Variants in LHFPL1 observed in about 807,000 individuals in gnomAD.
LHFPL1 encodes the protein LHFPL tetraspan subfamily member 1.
LHFPL1 carries 4 observed loss-of-function variants against 12.1 expected under a neutral mutation model. The ratio of observed to expected loss-of-function variants is 0.33; its 90% CI spans 0.16 to 0.76. The LOEUF (loss-of-function observed/expected upper bound fraction) is 0.76, where lower values mean the gene tolerates loss of function less well. Among genes scored for constraint, LHFPL1 ranks in the 30% least tolerant of loss-of-function variants. The pLI, the probability that LHFPL1 is intolerant of heterozygous loss-of-function variation, is 0.61. For synonymous variants in LHFPL1, 52 were observed against 61.9 expected (o/e 0.84, Z 0.75); for missense variants, 141 against 174.1 (o/e 0.81, Z 1.07).
Position 112,645,422 on chromosome X carries a change from G to GGATGAT in LHFPL1, c.482-13827_482-13822dup, listed in dbSNP as rs1284914754. Among the ~76,000 whole-genome samples, 914 of 111,142 alleles carry GGATGAT rather than the reference G, an allele frequency of 8.2e-3. 7 individuals are homozygous for GGATGAT. The highest frequency in any genetic ancestry group is 0.028 in the African/African-American group (861 of 30,552). On this transcript the variant is annotated intron_variant, in intron 3 of 3. Transcript: ENST00000371968. ...ATTTTTATTTTAACAACTGGTATCA[G>GGATGAT]GATGATGATGATGATGATGATGATA...
intron 3 of LHFPL1, among the ~76,000 whole-genome samples, chrX:112,644,785 G>A (rs750485546): frequency 2.7e-5 from 3 of 112,286 alleles, no homozygotes; most frequent in South Asian, 7.4e-4. Flanking sequence ...TATGGGCATG[G>A]AAATGTATTA....
At chrX:112,658,627 A>G (rs1931083866) in intron 3 of LHFPL1, among the ~76,000 whole-genome samples, 1 of 111,196 alleles carries the variant, frequency 9.0e-6, no homozygotes. Context: ...AAAAAGTGGA[A>G]AATAAGTATT....
intron 1 of LHFPL1, among the ~76,000 whole-genome samples, chrX:112,676,818 A>C (rs189480613): frequency 1.8e-5 from 2 of 112,263 alleles, no homozygotes; most frequent in East Asian, 5.6e-4. Flanking sequence ...ATGCCTTTAT[A>C]AACTTTTCTT....
intron 2 of LHFPL1, chrX:112,661,540 G>A (rs748190616): frequency 8.1e-5 from 9 of 111,750 alleles, no homozygotes; most frequent in Non-Finnish European, 1.7e-4. Flanking sequence ...ATTGGCATCT[G>A]ACAACTAAGA....
intron 3 of LHFPL1, among the ~76,000 whole-genome samples, chrX:112,639,075 T>C (rs1472875227): frequency 8.9e-6 from 1 of 112,014 alleles, no homozygotes; most frequent in Non-Finnish European, 1.9e-5. Flanking sequence ...ACAGAGAACT[T>C]TCTCTGCTAG....
At chrX:112,660,540 A>G in intron 3 of LHFPL1, 87 bp downstream of exon 3, 1 of 706,499 alleles carries the variant, frequency 1.4e-6, no homozygotes, top group Non-Finnish European at 2.2e-6. Context: ...GGCAAGTACC[A>G]CTAGCAGAGT....
At chrX:112,666,306 C>A (rs888189235) in intron 2 of LHFPL1, among the ~76,000 whole-genome samples, 4 of 111,116 alleles carry the variant, frequency 3.6e-5, no homozygotes, top group Non-Finnish European at 7.5e-5. Flanking sequence ...CTTACCACCC[C>A]CCCAGCCCCC....
At chrX:112,665,697 G>A (rs1392784354) in intron 2 of LHFPL1, among the ~76,000 whole-genome samples, 1 of 111,587 alleles carries the variant, frequency 9.0e-6, no homozygotes, top group Non-Finnish European at 1.9e-5. Flanking sequence ...CATACCAAAT[G>A]TTCTCCCCGA....
intron 3 of LHFPL1, among the ~76,000 whole-genome samples, chrX:112,653,537 T>C (rs925514929): frequency 8.9e-6 from 1 of 112,631 alleles, no homozygotes; most frequent in African/African-American, 3.2e-5. Context: ...AACAAGTGAA[T>C]GGAAAGGATA....
chrX:112,633,021 C>T (rs1038174650), intron 3 of LHFPL1, among the ~76,000 whole-genome samples: 1 of 112,267 alleles, frequency 8.9e-6, no homozygotes, highest in Non-Finnish European at 1.9e-5. Context: ...TCACCTCAAC[C>T]AGGTAGCCCT....
At chrX:112,671,592 G>C in intron 1 of LHFPL1, 188 bp from the exon 2 acceptor site, 1 of 967,588 alleles carries the variant, frequency 1.0e-6, no homozygotes, top group Non-Finnish European at 1.4e-6. Flanking sequence ...TTGCTTTTCA[G>C]TACTTTTCCC....
At chrX:112,675,196 A>G (rs1931623554) in intron 1 of LHFPL1, among the ~76,000 whole-genome samples, 1 of 111,298 alleles carries the variant, frequency 9.0e-6, no homozygotes, top group Non-Finnish European at 1.9e-5. Flanking sequence ...GTGCGCCAAA[A>G]TCTCACAAAT....
At chrX:112,648,088 A>C (rs1336604881) in intron 3 of LHFPL1, among the ~76,000 whole-genome samples, 1 of 105,153 alleles carries the variant, frequency 9.5e-6, no homozygotes, top group Non-Finnish European at 1.9e-5. Flanking sequence ...AAAACCAAAC[A>C]CTGCATGATC....
chrX:112,656,099 T>C lies in LHFPL1; in HGVS notation c.481+4528A>G, dbSNP rs772214520. ...GGTCAATATCCCTAATAAATATAGA[T>C]GCAAAAGCCCTTAACAAAATCGTAG... On this transcript the variant is annotated intron_variant, in intron 3 of 3. Transcript: ENST00000371968. Among the ~76,000 whole-genome samples, 6 of 111,616 alleles carry C rather than the reference T, an allele frequency of 5.4e-5. No homozygotes were observed. In the East Asian group the frequency reaches 1.4e-3, roughly 26 times the overall value.
chrX:112,631,276 GA>G lies in LHFPL1; in HGVS notation c.*143del. The stretch of plus-strand genomic sequence containing the variant: ...GTGACCTACTGGCTTAAAGATAAGT[GA>G]AAATGAACGACAATTAGTTTAAAAA... On this transcript the variant is annotated 3_prime_UTR_variant, in exon 4 of 4. Coordinates refer to ENST00000371968, the MANE Select transcript of LHFPL1 (RefSeq NM_178175.4). 2 of 465,788 alleles carry G rather than the reference GA, an allele frequency of 4.3e-6. No individual in the cohort carries two copies. The highest frequency in any genetic ancestry group is 7.0e-6 in the Non-Finnish European group (2 of 286,121). 38.4% of individuals were successfully genotyped at this position (465,788 alleles called of 1,213,427 possible).
intron 2 of LHFPL1, among the ~76,000 whole-genome samples, chrX:112,669,440 TCC>T (rs1223065770): frequency 2.7e-5 from 3 of 112,421 alleles, no homozygotes; most frequent in Non-Finnish European, 5.6e-5. Flanking sequence ...AATTGTACAT[TCC>T]AATGTGGCTA....
intron 3 of LHFPL1, among the ~76,000 whole-genome samples, chrX:112,650,382 T>C (rs937458012): frequency 2.7e-5 from 3 of 110,819 alleles, no homozygotes; most frequent in African/African-American, 9.9e-5. Flanking sequence ...GCAAAATTGC[T>C]TGAAAGAACT....
intron 1 of LHFPL1, among the ~76,000 whole-genome samples, chrX:112,673,091 G>A: frequency 8.9e-6 from 1 of 111,940 alleles, no homozygotes; most frequent in Middle Eastern, 4.6e-3. Flanking sequence ...TTACTCAAGG[G>A]TGAAGGGCTA....
At chrX:112,634,486 C>T (rs1245628817) in intron 3 of LHFPL1, among the ~76,000 whole-genome samples, 2 of 112,059 alleles carry the variant, frequency 1.8e-5, no homozygotes, top group Non-Finnish European at 3.8e-5. Flanking sequence ...GGCATCAGAA[C>T]TCTCATTCTG....
Sources: allele counts gnomAD v4.1 joint callset (sites outside exome capture counted in the v4.1 genomes callset), GRCh38; gene constraint gnomAD v4.1.1; transcripts MANE v1.5; gene names NCBI Gene and HGNC (gene_info 2026-07-23, HGNC 2026-07-21).